The following SOX6 variants were observed in gnomAD, a reference collection of about 807,000 sequenced individuals.
SOX6 encodes the protein SRY-box transcription factor 6.
In SOX6, 11 loss-of-function variants were observed where a neutral mutation model predicts 97.8. The observed-to-expected ratio is 0.11, with a 90% CI of 0.07 to 0.19. The LOEUF (loss-of-function observed/expected upper bound fraction) is 0.19. Among genes scored for constraint, SOX6 ranks in the 10% least tolerant of loss-of-function variants. The pLI is 1.00. For synonymous variants in SOX6, 360 were observed against 371.4 expected (o/e 0.97, Z 0.35); for missense variants, 810 against 1,039.5 (o/e 0.78, Z 3.04).
At chr11:16,047,751 C>T (rs998855549) in intron 11 of SOX6, among the ~76,000 whole-genome samples, 1 of 149,974 alleles carries the variant, frequency 6.7e-6, no homozygotes, top group Admixed American at 6.6e-5. Context: ...TGTGTATACA[C>T]CTCACATAGG....
chr11:15,974,378 C>CTTTT (rs35597667), intron 15 of SOX6, among the ~76,000 whole-genome samples: 2,558 of 85,130 alleles, frequency 0.03, 5 homozygotes, highest in Non-Finnish European at 0.034. Context: ...TTAGCTCTCT[C>CTTTT]TTTTTTTTTT....
chr11:16,494,105 T>A (rs4278481), intron 4 of SOX6, among the ~76,000 whole-genome samples: 2 of 152,186 alleles, frequency 1.3e-5, no homozygotes, highest in South Asian at 2.1e-4. Context: ...GGCCAGGCAC[T>A]GTGGCTCATG....
intron 1 of SOX6, among the ~76,000 whole-genome samples, chr11:16,400,614 A>G (rs1858529517): frequency 6.6e-6 from 1 of 151,434 alleles, no homozygotes; most frequent in Non-Finnish European, 1.5e-5. Context: ...CAATAAAGTG[A>G]GTTTTTAGAT....
intron 6 of SOX6, among the ~76,000 whole-genome samples, chr11:16,132,338 AAAAGAAAG>A (rs869051811): frequency 0.03 from 1,205 of 40,578 alleles, 87 homozygotes; most frequent in Middle Eastern, 0.047. Flanking sequence ...AAGGAAAGAA[AAAAGAAAG>A]AAAGAAAGAA....
Position 15,981,715 on chromosome 11 carries a change from G to A in SOX6, c.2183+4489C>T, listed in dbSNP as rs576539341. On this transcript the variant is annotated intron_variant, in intron 15 of 15. Transcript: ENST00000683767. ...TAGGTGTCTTAAATAGGATTGATTC[G>A]ACCTCTTTAAAATTAAGATTAAAAT... Among the ~76,000 whole-genome samples, 58 of 151,952 alleles carry A rather than the reference G, an allele frequency of 3.8e-4. 1 individual carries two copies. In the South Asian group the frequency reaches 0.012, roughly 30 times the overall value.
At chr11:16,140,250 C>T (rs1381819270) in intron 6 of SOX6, among the ~76,000 whole-genome samples, 1 of 152,128 alleles carries the variant, frequency 6.6e-6, no homozygotes, top group Admixed American at 6.6e-5. Context: ...TGCCACCCAA[C>T]TCAGGAGCCT....
chr11:16,480,842 C>T (rs1860330495), upstream of SOX6, among the ~76,000 whole-genome samples: 1 of 152,108 alleles, frequency 6.6e-6, no homozygotes, highest in South Asian at 2.1e-4. Context: ...ATGATTAAAA[C>T]TGAAGTCAAG....
Position 16,111,909 on chromosome 11 carries a change from C to T in SOX6, c.792G>A (p.Met264Ile). The T allele has an allele frequency of 3.7e-6, 6 of 1,612,272 alleles. No individual in the cohort carries two copies. Among genetic ancestry groups the T allele is most frequent in the Non-Finnish European group, 5.1e-6 (6 of 1,179,888 alleles). Residue 264 changes from methionine (M) to isoleucine (I), a missense_variant, in exon 7 of 16, where the codon ATG (methionine) becomes ATA (isoleucine). This residue lies in a region of SOX6 where 244 missense variants were observed against 261.0 expected (regional missense o/e 0.93). Transcript: ENST00000683767. Reference sequence around the variant, plus strand: ...GAAAAATTGGGATCATGAGCGGAGGCATGTGACCCTGAACCTGCTAAACAG... The same window carrying T: ...GAAAAATTGGGATCATGAGCGGAGGTATGTGACCCTGAACCTGCTAAACAG... ...LQQQIQVQGHMPPLMIPIFPH... is the reference protein window; with the variant it reads ...LQQQIQVQGHIPPLMIPIFPH...
intron 4 of SOX6, among the ~76,000 whole-genome samples, chr11:16,541,828 G>A (rs1565176165): frequency 6.6e-6 from 1 of 152,178 alleles, no homozygotes; most frequent in African/African-American, 2.4e-5. Context: ...ATGCTGGAGA[G>A]GATGTGGAAA....
At chr11:16,174,856 G>A (rs1269713333) in intron 6 of SOX6, among the ~76,000 whole-genome samples, 1 of 151,992 alleles carries the variant, frequency 6.6e-6, no homozygotes, top group Non-Finnish European at 1.5e-5. Context: ...AACTTCACAA[G>A]CACTATGAAT....
chr11:16,664,614 T>C (rs1460466138), intron 3 of SOX6, among the ~76,000 whole-genome samples: 1 of 152,130 alleles, frequency 6.6e-6, no homozygotes, highest in Non-Finnish European at 1.5e-5. Context: ...AAAGGCAGTC[T>C]AGGCCACAAA....
At chr11:16,395,346 A>G (rs1858320801) in intron 1 of SOX6, among the ~76,000 whole-genome samples, 1 of 151,868 alleles carries the variant, frequency 6.6e-6, no homozygotes. Context: ...CAAGGTTTGC[A>G]TTGGAAGGAG....
chr11:16,447,138 A>G (rs1859627734), intron 1 of SOX6, among the ~76,000 whole-genome samples: 1 of 151,982 alleles, frequency 6.6e-6, no homozygotes, highest in African/African-American at 2.4e-5. Context: ...TGCAACAATC[A>G]TCATTAAAAG....
At chr11:16,425,170 T>C (rs1859100248) in intron 1 of SOX6, among the ~76,000 whole-genome samples, 3 of 152,234 alleles carry the variant, frequency 2.0e-5, no homozygotes, top group Admixed American at 6.5e-5. Flanking sequence ...TCATTCCCTT[T>C]GGACTGGCCC....
chr11:16,638,204 C>A (rs886751647), intron 3 of SOX6, among the ~76,000 whole-genome samples: 1 of 151,976 alleles, frequency 6.6e-6, no homozygotes, highest in African/African-American at 2.4e-5. Context: ...TGGTTTCCAG[C>A]TTCACCCATC....
chr11:16,254,295 T>C (rs1853614322), intron 3 of SOX6, among the ~76,000 whole-genome samples: 2 of 152,080 alleles, frequency 1.3e-5, no homozygotes, highest in East Asian at 1.9e-4. Context: ...GAAAACTCTA[T>C]TTTCTTATTC....
At chr11:16,252,977 T>C (rs905902590) in intron 3 of SOX6, among the ~76,000 whole-genome samples, 18 of 152,184 alleles carry the variant, frequency 1.2e-4, no homozygotes, top group African/African-American at 4.1e-4. Flanking sequence ...TTTATTACGG[T>C]TCCTTTTACC....
At chr11:16,447,831 G>A (rs1184118857) in intron 1 of SOX6, among the ~76,000 whole-genome samples, 1 of 152,170 alleles carries the variant, frequency 6.6e-6, no homozygotes, top group South Asian at 2.1e-4. Flanking sequence ...GTACAAGACA[G>A]TGATAGCATA....
chr11:16,502,764 G>A (rs1400550828), intron 4 of SOX6, among the ~76,000 whole-genome samples: 3 of 152,110 alleles, frequency 2.0e-5, no homozygotes, highest in Non-Finnish European at 2.9e-5. Context: ...TGTCTCAGAA[G>A]GTGACAAGAA....
Sources: allele counts gnomAD v4.1 joint callset (sites outside exome capture counted in the v4.1 genomes callset), GRCh38; gene constraint gnomAD v4.1.1; regional missense constraint gnomAD v4.1.1; transcripts MANE v1.5; gene names NCBI Gene and HGNC (gene_info 2026-07-23, HGNC 2026-07-21).